The following ZNF493 variants were observed in gnomAD, a reference collection of about 807,000 sequenced individuals.
The protein encoded by ZNF493 is zinc finger protein 493.
Under a neutral mutation model 12.2 loss-of-function variants are expected in ZNF493, and 11 were observed. That is an observed-to-expected ratio of 0.90 (90% CI 0.57 to 1.50). The LOEUF is 1.50. Ranked by LOEUF, ZNF493 falls within the 40% of genes most tolerant of loss-of-function variation. ZNF493 has a pLI of 0.00. For synonymous variants in ZNF493, 286 were observed against 302.6 expected (o/e 0.95, Z 0.57); for missense variants, 950 against 906.6 (o/e 1.05, Z -0.61).
rs564304416 is a variant in ZNF493 at position 21,416,811 on chromosome 19, G to A, written c.254-6102G>A. Among the ~76,000 whole-genome samples, 32 of 152,254 alleles carry A rather than the reference G, an allele frequency of 2.1e-4. No homozygotes were observed. In the East Asian group the frequency reaches 4.4e-3, roughly 21 times the overall value. On this transcript the variant is annotated intron_variant, in intron 3 of 3. Transcript: ENST00000392288. Reference sequence around the variant, plus strand: ...TAACAATTTGAATTTCCCCATTGTAGTCTTGAATCAGTGACTCCTGTATAT... The same window carrying A: ...TAACAATTTGAATTTCCCCATTGTAATCTTGAATCAGTGACTCCTGTATAT...
intron 3 of ZNF493, among the ~76,000 whole-genome samples, chr19:21,422,581 C>G (rs992702750): frequency 2.6e-5 from 4 of 151,638 alleles, no homozygotes; most frequent in Non-Finnish European, 4.4e-5. Context: ...CAGCTTGAGC[C>G]ACTGCACTTG....
At chr19:21,405,621 T>C in intron 2 of ZNF493, 140 bp from the exon 3 acceptor site, 1 of 1,086,106 alleles carries the variant, frequency 9.2e-7, no homozygotes, top group Non-Finnish European at 1.2e-6. Flanking sequence ...TTCTAAATGT[T>C]AAGAACTTTC....
At position 21,424,625 on chromosome 19, in the gene ZNF493, C is replaced by G. The variant is rs781569649; in HGVS notation, c.1966C>G (p.Pro656Ala). 1.2e-6 allele frequency: 2 copies of G among 1,604,890 alleles called. No homozygotes were observed. The highest frequency in any genetic ancestry group is 2.2e-5 in the South Asian group (2 of 90,558). The change falls in exon 4 of 4, where the codon CCC becomes GCC. Residue 656 changes from proline to alanine, a missense_variant. Pro to Ala is a conservative substitution (Grantham distance 27). Coordinates refer to ENST00000392288, the MANE Select transcript of ZNF493 (RefSeq NM_001076678.3). Reference protein sequence around the residue: ...GHKQIHSVQKPYKCEECGKAF... With the variant: ...GHKQIHSVQKAYKCEECGKAF... ...CAAGCAAATTCATAGTGTACAAAAA[C>G]CCTACAAATGTGAAGAATGTGGCAA...
chr19:21,419,829 G>A (rs1042544334), intron 3 of ZNF493, among the ~76,000 whole-genome samples: 1 of 152,136 alleles, frequency 6.6e-6, no homozygotes, highest in Non-Finnish European at 1.5e-5. Context: ...CTGTCACATT[G>A]TACATTGTCC....
Position 21,423,490 on chromosome 19 carries a change from C to T in ZNF493, c.831C>T (p.Phe277=). 6.2e-7 allele frequency: 1 copy of T among 1,613,532 alleles called. No homozygotes were observed. The highest frequency in any genetic ancestry group is 8.5e-7 in the Non-Finnish European group (1 of 1,179,784). The change falls in exon 4 of 4, where the codon TTC becomes TTT. Residue 277 remains phenylalanine (F), a synonymous_variant. Coordinates refer to ENST00000392288, the MANE Select transcript of ZNF493 (RefSeq NM_001076678.3). ...AATGTGGCACATCTTTCTACCAATT[C>T]TCATACCTTACTAGGCATAAGCTAA... ...CEECGTSFYQ[F]SYLTRHKLIH...
chr19:21,418,881 C>T (rs1378130252), intron 3 of ZNF493, among the ~76,000 whole-genome samples: 2 of 152,072 alleles, frequency 1.3e-5, no homozygotes, highest in East Asian at 3.9e-4. Context: ...TGTTCCTTGC[C>T]CTCATTCTGG....
chr19:21,413,330 T>C (rs1036461292), intron 3 of ZNF493: 6 of 391,894 alleles, frequency 1.5e-5, no homozygotes, highest in Non-Finnish European at 2.2e-5. Flanking sequence ...CCAGCCAAGA[T>C]AGATAAATAT....
intron 3 of ZNF493, chr19:21,408,916 T>G: frequency 4.1e-6 from 3 of 728,468 alleles, no homozygotes; most frequent in Non-Finnish European, 5.0e-6. Flanking sequence ...GGAGTCTCGC[T>G]CTGTCGCCCA....
chr19:21,412,526 A>G (rs1290480922), intron 3 of ZNF493: 3 of 20,834 alleles, frequency 1.4e-4, no homozygotes, highest in South Asian at 7.9e-4. Context: ...TGTTCCCAAC[A>G]TGTCTCTTCT....
chr19:21,407,707 T>A, intron 3 of ZNF493: 3 of 976,192 alleles, frequency 3.1e-6, no homozygotes, highest in Non-Finnish European at 3.7e-6. Flanking sequence ...ATTATTAGTT[T>A]AGACAAATTT....
rs916540722 is a variant in ZNF493 at position 21,426,822 on chromosome 19, G to T, written c.*1838G>T. 1 of 166,904 alleles carries T rather than the reference G, an allele frequency of 6.0e-6. No individual in the cohort carries two copies. The highest frequency in any genetic ancestry group is 1.5e-5 in the Non-Finnish European group (1 of 68,068). 10.3% of individuals were successfully genotyped at this position (166,904 alleles called of 1,614,324 possible). On this transcript the variant is annotated 3_prime_UTR_variant, in exon 4 of 4. Coordinates refer to ENST00000392288, the MANE Select transcript of ZNF493 (RefSeq NM_001076678.3). ...GAAATATATGAGGAAGCGACACTTC[G>T]AATATTCTACTAAATGAGAGTTCTG...
intron 3 of ZNF493, among the ~76,000 whole-genome samples, chr19:21,422,140 G>C (rs545983504): frequency 6.6e-6 from 1 of 152,112 alleles, no homozygotes. Flanking sequence ...CACTGCACCT[G>C]GCCCCTAGTC....
chr19:21,413,089 A>C, intron 3 of ZNF493: 2 of 290,856 alleles, frequency 6.9e-6, no homozygotes, highest in Non-Finnish European at 6.6e-6. Context: ...CCCTTAGGAG[A>C]CCAGCTAATA....
intron 3 of ZNF493, 138 bp downstream of exon 3, chr19:21,405,994 G>T (rs1162694873): frequency 1.9e-6 from 1 of 537,688 alleles, no homozygotes; most frequent in African/African-American, 2.0e-5. Context: ...GCCAAGGCAG[G>T]TGGATCACCT....
At chr19:21,397,867 G>GA (rs1974198024) in intron 1 of ZNF493, 1 of 154,202 alleles carries the variant, frequency 6.5e-6, no homozygotes, top group Non-Finnish European at 1.4e-5. Context: ...CGTTAAAGGT[G>GA]AAAATTTCCT....
At position 21,426,157 on chromosome 19, in the gene ZNF493, TAAAA is replaced by T. The variant is rs902152462; in HGVS notation, c.*1174_*1177del. ...ACAACATCTCAAACTTTTCTAATCA[TAAAA>T]GAAATCATATTGGTGAGAAATCCTA... On this transcript the variant is annotated 3_prime_UTR_variant, in exon 4 of 4. Coordinates refer to ENST00000392288, the MANE Select transcript of ZNF493 (RefSeq NM_001076678.3). 4 of 232,048 alleles carry T rather than the reference TAAAA, an allele frequency of 1.7e-5. No homozygotes were observed. Among genetic ancestry groups the T allele is most frequent in the African/African-American group, 9.3e-5 (4 of 43,228 alleles). 14.4% of individuals were successfully genotyped at this position (232,048 alleles called of 1,614,324 possible).
At chr19:21,405,030 ATTTTC>A (rs1285213026) in intron 1 of ZNF493, 94 bp from the exon 2 acceptor site, 12 of 1,516,538 alleles carry the variant, frequency 7.9e-6, no homozygotes, top group African/African-American at 2.8e-5. Flanking sequence ...GTCAGAACGA[ATTTTC>A]TTTACTTTCT....
At chr19:21,405,399 G>A in intron 2 of ZNF493, 144 bp downstream of exon 2, 5 of 1,465,464 alleles carry the variant, frequency 3.4e-6, no homozygotes, top group Non-Finnish European at 4.5e-6. Context: ...AACTGTCCGT[G>A]TGGAAAAAAA....
Position 21,424,978 on chromosome 19 carries a change from AAAGTG to A in ZNF493, c.2323_*2del. 6.3e-7 allele frequency: 1 copy of A among 1,585,182 alleles called. No individual in the cohort carries two copies. The highest frequency in any genetic ancestry group is 8.6e-7 in the Non-Finnish European group (1 of 1,168,476). On this transcript the variant is annotated frameshift_variant and stop_lost, in exon 4 of 4. Transcript: ENST00000392288. LOFTEE classifies it high-confidence loss of function. ...GAATTCATACTGAAGAGACTGTACA[AAAGTG>A]AAGAATGTGGCAAAGGCCTTTACTG... is the stretch of plus-strand genomic sequence containing the variant.
Sources: gnomAD v4.1 joint callset for allele counts (sites outside exome capture counted in the v4.1 genomes callset) on GRCh38, gnomAD v4.1.1 for gene constraint, MANE v1.5 for transcripts, NCBI Gene and HGNC (gene_info 2026-07-23, HGNC 2026-07-21) for gene names.